The following POU6F2 variants were observed in gnomAD, a reference collection of about 807,000 sequenced individuals.
POU6F2 encodes POU class 6 homeobox 2, also known as POU domain, class 6, transcription factor 2.
A neutral mutation model predicts 71.3 loss-of-function variants in POU6F2; 31 were observed. The observed-to-expected ratio is 0.43, with a 90% CI of 0.33 to 0.59. POU6F2 has a LOEUF of 0.59. POU6F2 is among the 20% of genes least tolerant of loss of function. The pLI, the probability that POU6F2 is intolerant of heterozygous loss-of-function variation, is 0.04. For missense variants in POU6F2, 783 were observed against 856.8 expected, an observed-to-expected ratio of 0.91 and a Z score of 1.07; for synonymous variants, 347 against 355.7, an observed-to-expected ratio of 0.98 and a Z score of 0.27.
chr7:39,365,170 A>G (rs1786473903), intron 5 of POU6F2, among the ~76,000 whole-genome samples: 1 of 152,218 alleles, frequency 6.6e-6, no homozygotes, highest in Non-Finnish European at 1.5e-5. Flanking sequence ...ACAGCATGGT[A>G]CTGGTATAAA....
At chr7:39,040,696 A>G (rs1790174732) in intron 1 of POU6F2, among the ~76,000 whole-genome samples, 1 of 151,848 alleles carries the variant, frequency 6.6e-6, no homozygotes, top group Non-Finnish European at 1.5e-5. Flanking sequence ...ATCATTTATT[A>G]TTTTTCAATG....
At chr7:39,151,225 T>C (rs1356925809) in intron 2 of POU6F2, among the ~76,000 whole-genome samples, 2 of 152,074 alleles carry the variant, frequency 1.3e-5, no homozygotes, top group Admixed American at 6.5e-5. Context: ...CTGCAAGGCC[T>C]AGCAATGATT....
At chr7:39,121,492 T>C (rs547617320) in intron 2 of POU6F2, among the ~76,000 whole-genome samples, 1 of 152,346 alleles carries the variant, frequency 6.6e-6, no homozygotes, top group East Asian at 1.9e-4. Context: ...TTAGAAAAGA[T>C]TGGTCAACAT....
chr7:39,216,533 G>T (rs1053321746), intron 4 of POU6F2, among the ~76,000 whole-genome samples: 2 of 152,120 alleles, frequency 1.3e-5, no homozygotes, highest in Non-Finnish European at 2.9e-5. Context: ...GGGGACAGGT[G>T]AATTTAAAGG....
intron 5 of POU6F2, among the ~76,000 whole-genome samples, chr7:39,382,043 AAAT>A (rs3839694): frequency 2.5e-4 from 38 of 150,370 alleles, no homozygotes; most frequent in East Asian, 5.9e-4. Context: ...ACACACAAGC[AAAT>A]AATAATAATA....
At chr7:39,419,531 T>C (rs2115961437) in intron 6 of POU6F2, among the ~76,000 whole-genome samples, 1 of 152,266 alleles carries the variant, frequency 6.6e-6, no homozygotes, top group Non-Finnish European at 1.5e-5. Flanking sequence ...TGAGCCACCA[T>C]GCCTGGCCTA....
intron 5 of POU6F2, among the ~76,000 whole-genome samples, chr7:39,362,201 T>C (rs1786402596): frequency 6.6e-6 from 1 of 152,042 alleles, no homozygotes; most frequent in Non-Finnish European, 1.5e-5. Flanking sequence ...CATCTTGAAG[T>C]TTCTAGTCTG....
chr7:39,214,951 A>C (rs1241194064), intron 4 of POU6F2, among the ~76,000 whole-genome samples: 1 of 152,216 alleles, frequency 6.6e-6, no homozygotes, highest in Non-Finnish European at 1.5e-5. Context: ...ACATACTTAA[A>C]AACAATGCAG....
chr7:39,183,988 A>G (rs960990082), intron 2 of POU6F2, among the ~76,000 whole-genome samples: 3 of 152,164 alleles, frequency 2.0e-5, no homozygotes, highest in African/African-American at 7.2e-5. Context: ...CCACCTGATT[A>G]AGGTCCGTAA....
At chr7:39,292,039 A>T (rs927690605) in intron 4 of POU6F2, among the ~76,000 whole-genome samples, 2 of 46,134 alleles carry the variant, frequency 4.3e-5, no homozygotes, top group Non-Finnish European at 6.2e-5. Flanking sequence ...AGAAGGGGGA[A>T]AAAAACTGAG....
At position 39,085,856 on chromosome 7, in the gene POU6F2, C is replaced by G. The variant is rs931517884; in HGVS notation, c.106-4C>G. ...CTCCCCTTCACTCTTTTCGCCCATC[C>G]TAGGATCCAATGATAGCTGGACAAG... On this transcript the variant is annotated splice_polypyrimidine_tract_variant and splice_region_variant and intron_variant, in intron 1 of 9. Transcript: ENST00000518318. 14 of 1,613,000 alleles carry G rather than the reference C, an allele frequency of 8.7e-6. No homozygotes were observed. Among genetic ancestry groups the G allele is most frequent in the Non-Finnish European group, 1.2e-5 (14 of 1,179,568 alleles).
chr7:39,158,116 A>G (rs1792911115), intron 2 of POU6F2, among the ~76,000 whole-genome samples: 3 of 152,212 alleles, frequency 2.0e-5, no homozygotes, highest in Non-Finnish European at 4.4e-5. Flanking sequence ...GTGGATAACT[A>G]TGTTCCATTC....
At chr7:39,102,387 T>C (rs1440776800) in intron 2 of POU6F2, among the ~76,000 whole-genome samples, 1 of 152,194 alleles carries the variant, frequency 6.6e-6, no homozygotes, top group Non-Finnish European at 1.5e-5. Flanking sequence ...TTCCACTGTT[T>C]GCCTAGTATT....
intron 4 of POU6F2, among the ~76,000 whole-genome samples, chr7:39,270,644 G>A (rs1190859769): frequency 6.6e-6 from 1 of 152,136 alleles, no homozygotes; most frequent in Non-Finnish European, 1.5e-5. Flanking sequence ...CCTGGATCTT[G>A]TCATGCTAGG....
intron 4 of POU6F2, among the ~76,000 whole-genome samples, chr7:39,263,988 T>C (rs1320178769): frequency 1.3e-5 from 2 of 152,212 alleles, no homozygotes; most frequent in Non-Finnish European, 2.9e-5. Flanking sequence ...TGACTTCCAA[T>C]GTCAACTTGC....
At chr7:39,097,522 G>A (rs1362748026) in intron 2 of POU6F2, among the ~76,000 whole-genome samples, 1 of 152,184 alleles carries the variant, frequency 6.6e-6, no homozygotes, top group East Asian at 1.9e-4. Flanking sequence ...CAAAACAAAG[G>A]AGAGGTACAT....
intron 4 of POU6F2, among the ~76,000 whole-genome samples, chr7:39,221,483 C>T (rs1453729436): frequency 6.6e-6 from 1 of 150,834 alleles, no homozygotes; most frequent in East Asian, 1.9e-4. Context: ...CTCCACTGCC[C>T]AGGTTCAAGC....
intron 4 of POU6F2, among the ~76,000 whole-genome samples, chr7:39,253,316 C>T (rs1293033134): frequency 6.6e-6 from 1 of 152,200 alleles, no homozygotes; most frequent in Non-Finnish European, 1.5e-5. Context: ...GACCTGTGTG[C>T]TCACAGAGGC....
chr7:39,445,549 C>T (rs1788505250), intron 7 of POU6F2, among the ~76,000 whole-genome samples: 1 of 152,194 alleles, frequency 6.6e-6, no homozygotes, highest in Non-Finnish European at 1.5e-5. Context: ...CACTCTCCCT[C>T]CTCTGTCCTA....
Sources: gnomAD v4.1 joint callset for allele counts (sites outside exome capture counted in the v4.1 genomes callset) on GRCh38, gnomAD v4.1.1 for gene constraint, MANE v1.5 for transcripts, NCBI Gene and HGNC (gene_info 2026-07-23, HGNC 2026-07-21) for gene names.